COL6A5: variants seen among roughly 807,000 people sequenced by gnomAD.
COL6A5 encodes collagen alpha-5(VI) chain.
COL6A5 carries 48 observed loss-of-function variants against 65.6 expected under a neutral mutation model. The ratio of observed to expected loss-of-function variants is 0.73; its 90% CI spans 0.58 to 0.93. The LOEUF (loss-of-function observed/expected upper bound fraction) is 0.93, where lower values mean the gene tolerates loss of function less well. COL6A5 is among the 40% of genes least tolerant of loss of function. The probability of loss-of-function intolerance (pLI) is 0.00; values close to 1 mark genes in which losing one functional copy is unlikely to be tolerated. For missense variants in COL6A5, 914 were observed against 928.3 expected (o/e 0.98, Z 0.20); for synonymous variants, 291 against 322.8 (o/e 0.90, Z 1.05).
At chr3:130,397,890 C>T (rs1402840897) in exon 9 of COL6A5, 2 of 1,551,646 alleles carry the variant, frequency 1.3e-6, no homozygotes, top group Non-Finnish European at 1.7e-6. Context: ...CTCTTTGGGA[C>T]ACATTTAAGG....
At position 130,468,783 on chromosome 3, in the gene COL6A5, A is replaced by G. The variant is rs745932324; in HGVS notation, c.1545-12A>G. On this transcript the variant is annotated splice_polypyrimidine_tract_variant and intron_variant, in intron 5 of 7. Coordinates refer to ENST00000512836, the Ensembl canonical transcript of COL6A5. ...TCCATTAAAAAGAATGACTTGAGTTATTCTGTTGCAGGACATGAAAATTAT... is the reference window on the plus strand; with the variant it reads ...TCCATTAAAAAGAATGACTTGAGTTGTTCTGTTGCAGGACATGAAAATTAT... 1 of 1,588,172 alleles carries G rather than the reference A, an allele frequency of 6.3e-7. No individual in the cohort carries two copies. The highest frequency in any genetic ancestry group is 1.7e-5 in the Admixed American group (1 of 57,342).
chr3:130,406,704 A>G (rs980249207), intron 17 of COL6A5, among the ~76,000 whole-genome samples: 8 of 152,128 alleles, frequency 5.3e-5, no homozygotes, highest in Non-Finnish European at 8.8e-5. Context: ...AAAGAGACAA[A>G]ATTATTTTGG....
At chr3:130,401,564 G>T (rs1357924295) in intron 11 of COL6A5, among the ~76,000 whole-genome samples, 198 bp from the exon 12 acceptor site, 1 of 152,210 alleles carries the variant, frequency 6.6e-6, no homozygotes, top group Admixed American at 6.5e-5. Context: ...CCTCTGGAGA[G>T]GCGATGTTGC....
chr3:130,406,504 T>C (rs1054452012), intron 17 of COL6A5, among the ~76,000 whole-genome samples, 183 bp downstream of exon 17: 13 of 152,162 alleles, frequency 8.5e-5, no homozygotes, highest in African/African-American at 3.1e-4. Flanking sequence ...TTATGTAATT[T>C]TAAAGAATTT....
At chr3:130,351,111 T>A (rs1176056360) in intron 1 of COL6A5, among the ~76,000 whole-genome samples, 2 of 152,228 alleles carry the variant, frequency 1.3e-5, no homozygotes, top group African/African-American at 2.4e-5. Flanking sequence ...GCTAGCCATA[T>A]GTAGAAAGCT....
chr3:130,434,045 G>A (rs1312676955), intron 1 of COL6A5, among the ~76,000 whole-genome samples: 1 of 151,486 alleles, frequency 6.6e-6, no homozygotes, highest in Admixed American at 6.6e-5. Context: ...GTGCCATGGT[G>A]GTTTGCTGCA....
intron 5 of COL6A5, among the ~76,000 whole-genome samples, chr3:130,462,205 A>G (rs1709718208): frequency 6.6e-6 from 1 of 152,094 alleles, no homozygotes; most frequent in Admixed American, 6.6e-5. Flanking sequence ...TGTTGCCCCA[A>G]CACGTGCCTT....
At chr3:130,364,871 T>C (rs1328157393) in intron 1 of COL6A5, among the ~76,000 whole-genome samples, 3 of 152,226 alleles carry the variant, frequency 2.0e-5, no homozygotes, top group African/African-American at 7.2e-5. Context: ...CAGGATTCTT[T>C]TTGCTCATGT....
chr3:130,389,893 C>A (rs1278044050), intron 6 of COL6A5, among the ~76,000 whole-genome samples: 1 of 152,130 alleles, frequency 6.6e-6, no homozygotes, highest in African/African-American at 2.4e-5. Context: ...GTTTTGGATA[C>A]AACTAAGAAA....
At chr3:130,374,655 T>A (rs1337017426) in intron 2 of COL6A5, among the ~76,000 whole-genome samples, 7 of 152,136 alleles carry the variant, frequency 4.6e-5, no homozygotes, top group Non-Finnish European at 1.0e-4. Context: ...GGTTTCATCA[T>A]CTTGCACAGG....
chr3:130,354,446 C>G (rs144685283), intron 1 of COL6A5, among the ~76,000 whole-genome samples: 13 of 152,266 alleles, frequency 8.5e-5, no homozygotes, highest in Middle Eastern at 6.8e-3. Context: ...AACCCCACTA[C>G]GTAGAACCCA....
At chr3:130,483,534 T>C (rs1335770497) in intron 7 of COL6A5, among the ~76,000 whole-genome samples, 1 of 152,148 alleles carries the variant, frequency 6.6e-6, no homozygotes, top group East Asian at 1.9e-4. Flanking sequence ...TCATAGTGCA[T>C]GTAGTTAAAG....
rs867454417 is a variant in COL6A5 at position 130,391,287 on chromosome 3, A to G, written c.2525A>G (p.Lys842Arg). Residue 842 changes from lysine (K) to arginine (R), a missense_variant and NMD_transcript_variant, in exon 7 of 42, where the codon AAG becomes AGG. Lys to Arg is a conservative substitution (Grantham distance 26). Coordinates refer to the COL6A5 transcript ENST00000312481. The stretch of plus-strand genomic sequence containing the variant: ...ATTAACCTAACTATCCATTTGGTGA[A>G]GAAAGCAGATGTTGGCAGGGACCGA... 3 of 1,551,722 alleles carry G rather than the reference A, an allele frequency of 1.9e-6. No individual in the cohort carries two copies. The African/African-American group carries it at 4.1e-5, about 21-fold the overall frequency.
At chr3:130,427,525 T>C (rs75379614), upstream of COL6A5, among the ~76,000 whole-genome samples, 172 of 151,994 alleles carry the variant, frequency 1.1e-3, 1 homozygote, top group African/African-American at 3.9e-3. Flanking sequence ...GGGAAATCAA[T>C]TGGTTGGAGA....
At chr3:130,428,503 A>G (rs866588165), upstream of COL6A5, among the ~76,000 whole-genome samples, 1 of 152,206 alleles carries the variant, frequency 6.6e-6, no homozygotes, top group Non-Finnish European at 1.5e-5. Context: ...AGGGAGACAC[A>G]TAAGTAAAGA....
chr3:130,458,414 C>T (rs924576641), intron 5 of COL6A5, among the ~76,000 whole-genome samples: 1 of 152,082 alleles, frequency 6.6e-6, no homozygotes, highest in South Asian at 2.1e-4. Flanking sequence ...AAGTGTTGTT[C>T]CTACACAAGC....
intron 7 of COL6A5, among the ~76,000 whole-genome samples, chr3:130,483,767 C>A (rs953147885): frequency 6.6e-6 from 1 of 152,148 alleles, no homozygotes; most frequent in African/African-American, 2.4e-5. Flanking sequence ...TTTAATAATA[C>A]CAGCCACTAA....
At chr3:130,379,443 A>G in exon 4 of COL6A5, 2 of 1,551,146 alleles carry the variant, frequency 1.3e-6, no homozygotes. Flanking sequence ...CCTGTCAGAA[A>G]GATTCACTCG....
chr3:130,469,463 T>G lies in COL6A5; in HGVS notation c.2215T>G (p.Phe739Val), dbSNP rs746236432. ...CTATATCATCAAGTTTGTCAAGCCATTTGTCCATTTAATCAGACGTAAGTC... is the reference window on the plus strand; with the variant it reads ...CTATATCATCAAGTTTGTCAAGCCAGTTGTCCATTTAATCAGACGTAAGTC... Residue 739 changes from phenylalanine (F) to valine (V), a missense_variant, in exon 6 of 8, where the codon TTT (phenylalanine) becomes GTT (valine). Coordinates refer to ENST00000512836, the Ensembl canonical transcript of COL6A5. The G allele has an allele frequency of 3.1e-6, 5 of 1,611,848 alleles. No individual in the cohort carries two copies. In the African/African-American group the frequency reaches 6.7e-5, roughly 22 times the overall value.
Sources: allele counts gnomAD v4.1 joint callset (sites outside exome capture counted in the v4.1 genomes callset), GRCh38; gene constraint gnomAD v4.1.1; transcripts MANE v1.5; gene names NCBI Gene and HGNC (gene_info 2026-07-23, HGNC 2026-07-21).